HOMER2: variants seen among roughly 807,000 people sequenced by gnomAD.
The protein encoded by HOMER2 is homer protein homolog 2.
Under a neutral mutation model 47.0 loss-of-function variants are expected in HOMER2, and 27 were observed. The observed-to-expected ratio is 0.57, with a 90% CI of 0.42 to 0.79. HOMER2 has a LOEUF of 0.79. Ranked by LOEUF, HOMER2 falls within the 30% of genes least tolerant of loss-of-function variation. The probability of loss-of-function intolerance (pLI) is 0.00; values close to 1 mark genes in which losing one functional copy is unlikely to be tolerated. For synonymous variants in HOMER2, 161 were observed against 163.8 expected (o/e 0.98, Z 0.13); for missense variants, 443 against 435.0 (o/e 1.02, Z -0.16).
At chr15:82,916,286 T>C (rs567109317) in intron 1 of HOMER2, among the ~76,000 whole-genome samples, 1 of 152,198 alleles carries the variant, frequency 6.6e-6, no homozygotes, top group Non-Finnish European at 1.5e-5. Flanking sequence ...TGTACAAATA[T>C]ATATTAACTT....
intron 1 of HOMER2, among the ~76,000 whole-genome samples, chr15:82,933,982 C>A (rs969749193): frequency 9.2e-5 from 14 of 152,094 alleles, no homozygotes; most frequent in Admixed American, 7.9e-4. Context: ...AAATCTGAGC[C>A]GGTCCTTCCC....
intron 1 of HOMER2, among the ~76,000 whole-genome samples, chr15:82,983,148 C>T (rs1387582219): frequency 6.6e-6 from 1 of 152,180 alleles, no homozygotes; most frequent in Admixed American, 6.6e-5. Context: ...TAACACAAAG[C>T]TTATTTTATA....
chr15:82,854,057 C>A (rs931066572), intron 6 of HOMER2, among the ~76,000 whole-genome samples: 1 of 152,182 alleles, frequency 6.6e-6, no homozygotes, highest in South Asian at 2.1e-4. Flanking sequence ...AGGGCTGACA[C>A]CTCCAGTTTA....
intron 6 of HOMER2, among the ~76,000 whole-genome samples, chr15:82,853,993 C>T (rs12442119): frequency 0.29 from 44,444 of 152,108 alleles, 6,738 homozygotes; most frequent in East Asian, 0.43. Context: ...CCCCTTCCTC[C>T]ACGGAGGGTC....
At chr15:82,986,127 T>C (rs898532735), upstream of HOMER2, 33 of 984,634 alleles carry the variant, frequency 3.4e-5, no homozygotes, top group Non-Finnish European at 3.9e-5. Context: ...AGCGATCTGT[T>C]GCAAAGCGAT....
chr15:82,911,195 A>G (rs1306039111), intron 1 of HOMER2, among the ~76,000 whole-genome samples: 1 of 152,224 alleles, frequency 6.6e-6, no homozygotes, highest in Non-Finnish European at 1.5e-5. Flanking sequence ...AGCAAATTAA[A>G]CAAAGAAATC....
intron 1 of HOMER2, among the ~76,000 whole-genome samples, chr15:82,928,115 G>A (rs1453312967): frequency 6.6e-6 from 1 of 152,082 alleles, no homozygotes; most frequent in South Asian, 2.1e-4. Context: ...TGGTTTCTCT[G>A]CTAGAAATGC....
chr15:82,890,261 G>A (rs1596325445), intron 2 of HOMER2, among the ~76,000 whole-genome samples: 1 of 152,270 alleles, frequency 6.6e-6, no homozygotes, highest in Non-Finnish European at 1.5e-5. Context: ...AGAATCGCTT[G>A]ATCCTGGGAG....
chr15:82,913,964 T>C lies in HOMER2; in HGVS notation c.6-21123A>G, dbSNP rs953703060. 6.6e-6 allele frequency among the ~76,000 whole-genome samples: 1 copy of C among 152,002 alleles called. No homozygotes were observed. The highest frequency in any genetic ancestry group is 2.4e-5 in the African/African-American group (1 of 41,378). On this transcript the variant is annotated intron_variant, in intron 1 of 8. Coordinates refer to ENST00000450735, the MANE Select transcript of HOMER2 (RefSeq NM_004839.4). The surrounding 1 kb of genome is among the most constrained non-coding windows in gnomAD (Gnocchi z 4.1). ...AGCATTATTCACAACAGCCACAAAG[T>C]AGAAACGACCCAAAGTCTATCAACA...
At chr15:82,844,828 T>A (rs138419107), downstream of HOMER2, 12 of 152,330 alleles carry the variant, frequency 7.9e-5, no homozygotes, top group East Asian at 1.9e-3. Flanking sequence ...CTCTCACAAC[T>A]GACGTAAAGT....
rs1331320696 is a variant in HOMER2 at position 82,888,796 on chromosome 15, G to C, written c.162+3889C>G. Among the ~76,000 whole-genome samples, 8 of 82,096 alleles carry C rather than the reference G, an allele frequency of 9.7e-5. 2 individuals carry two copies. The highest frequency in any genetic ancestry group is 4.0e-4 in the African/African-American group (7 of 17,284). The allele number at this position is 82,096 out of a possible 152,430, so 53.9% of individuals were successfully genotyped here. On this transcript the variant is annotated intron_variant, in intron 2 of 8. Transcript: ENST00000450735. Reference sequence around the variant, plus strand: ...CACACTGGCCTGCGCCCACTGTCTGGCACTCCCTAGTGAGATGAACCCGGT... The same window carrying C: ...CACACTGGCCTGCGCCCACTGTCTGCCACTCCCTAGTGAGATGAACCCGGT...
intron 1 of HOMER2, among the ~76,000 whole-genome samples, chr15:82,975,667 T>A (rs1156893793): frequency 6.6e-6 from 1 of 152,126 alleles, no homozygotes; most frequent in South Asian, 2.1e-4. Flanking sequence ...ATCACAACAA[T>A]TGAACTCATG....
chr15:82,869,871 C>T (rs1352306252), intron 3 of HOMER2, among the ~76,000 whole-genome samples: 3 of 152,142 alleles, frequency 2.0e-5, no homozygotes, highest in Non-Finnish European at 4.4e-5. Flanking sequence ...ATAAATGATG[C>T]TGCAATCTTT....
chr15:82,857,422 CTTTTTTT>C (rs71156058), intron 5 of HOMER2, among the ~76,000 whole-genome samples: 4 of 74,224 alleles, frequency 5.4e-5, no homozygotes, highest in Non-Finnish European at 9.4e-5. Context: ...GATGATACAG[CTTTTTTT>C]TTTTTTTTTT....
At chr15:82,892,389 T>C (rs1047472870) in intron 2 of HOMER2, among the ~76,000 whole-genome samples, 1 of 152,210 alleles carries the variant, frequency 6.6e-6, no homozygotes, top group African/African-American at 2.4e-5. Flanking sequence ...ATGCTCATTA[T>C]TTATAATAGC....
intron 1 of HOMER2, among the ~76,000 whole-genome samples, chr15:82,942,029 C>T (rs899671940): frequency 3.3e-5 from 5 of 152,180 alleles, no homozygotes; most frequent in African/African-American, 1.2e-4. Context: ...CCTTAGGCAA[C>T]ACTCTCTGCC....
At position 82,950,345 on chromosome 15, in the gene HOMER2, G is replaced by C. The variant is rs1279737389; in HGVS notation, c.5+2186C>G. On this transcript the variant is annotated intron_variant, in intron 1 of 8. Coordinates refer to ENST00000450735, the MANE Select transcript of HOMER2 (RefSeq NM_004839.4). ...GAGGGAGGAGAAGCATCTCAAGTTG[G>C]GGGGAGGTAAACTCAGATAGTTTGT... Among the ~76,000 whole-genome samples, 4 of 152,146 alleles carry C rather than the reference G, an allele frequency of 2.6e-5. No individual in the cohort carries two copies. In the East Asian group the frequency reaches 7.7e-4, roughly 29 times the overall value.
chr15:82,945,020 G>C (rs888923289), intron 1 of HOMER2, among the ~76,000 whole-genome samples: 2 of 151,942 alleles, frequency 1.3e-5, no homozygotes, highest in African/African-American at 4.8e-5. Flanking sequence ...GCTGGGTCTC[G>C]GTCCACCAAC....
chr15:82,914,198 C>T (rs1346298577), intron 1 of HOMER2, among the ~76,000 whole-genome samples: 1 of 148,416 alleles, frequency 6.7e-6, no homozygotes, highest in Non-Finnish European at 1.5e-5. Context: ...CACACACACA[C>T]ACACACACAC....
Sources: gnomAD v4.1 joint callset for allele counts (sites outside exome capture counted in the v4.1 genomes callset) on GRCh38, gnomAD v4.1.1 for gene constraint, Gnocchi (gnomAD v3.1) non-coding constraint, MANE v1.5 for transcripts, NCBI Gene and HGNC (gene_info 2026-07-23, HGNC 2026-07-21) for gene names.